The following KIAA0930 variants were observed in gnomAD, a reference collection of about 807,000 sequenced individuals.
The protein encoded by KIAA0930 is KIAA0930, also known as uncharacterized protein KIAA0930.
Under a neutral mutation model 43.9 loss-of-function variants are expected in KIAA0930, and 24 were observed. The observed-to-expected ratio is 0.55, with a 90% confidence interval of 0.40 to 0.77. The LOEUF is 0.77. Ranked by LOEUF, KIAA0930 falls within the 30% of genes least tolerant of loss-of-function variation. The pLI is 0.00. For synonymous variants in KIAA0930, 259 were observed against 216.4 expected, an observed-to-expected ratio of 1.20 and a Z score of -1.73; for missense variants, 461 against 574.2, an observed-to-expected ratio of 0.80 and a Z score of 2.02.
chr22:45,197,027 C>A lies in KIAA0930; in HGVS notation c.*149G>T. The A allele has an allele frequency of 1.6e-6, 1 of 635,680 alleles. No homozygotes were observed. The highest frequency in any genetic ancestry group is 2.6e-6 in the Non-Finnish European group (1 of 379,956). 39.4% of individuals were successfully genotyped at this position (635,680 alleles called of 1,614,324 possible). A position where few individuals can be genotyped will look rare whatever the true frequency, so the allele number is the denominator to read the frequency against. On this transcript the variant is annotated 3_prime_UTR_variant, in exon 10 of 10. Transcript: ENST00000336156. ...TTTGGGCTGGTGTTCGTGGAGTCGG[C>A]CCCGGCCCCGGGAGTCGAGTGGCCT...
chr22:45,201,013 T>A (rs761335728), intron 7 of KIAA0930: 2 of 532,954 alleles, frequency 3.8e-6, no homozygotes, highest in African/African-American at 3.9e-5. Context: ...ATCTCCTCCC[T>A]CCTCCCCATG....
At chr22:45,203,287 G>C (rs1279951224) in intron 6 of KIAA0930, 103 bp from the exon 7 acceptor site, 1 of 1,223,112 alleles carries the variant, frequency 8.2e-7, no homozygotes, top group South Asian at 1.5e-5. Context: ...CTCAAGGAGC[G>C]GGGGCTGCCC....
Position 45,192,491 on chromosome 22 carries a change from T to G in KIAA0930, c.*4685A>C, listed in dbSNP as rs1398705333. On this transcript the variant is annotated 3_prime_UTR_variant, in exon 10 of 10. Coordinates refer to ENST00000336156, the MANE Select transcript of KIAA0930 (RefSeq NM_001009880.2). Reference sequence around the variant, plus strand: ...AAAATACATGTTGTAGAAGTCATAATTCATAGTGAAGAATCTCAACAGGTT... The same window carrying G: ...AAAATACATGTTGTAGAAGTCATAAGTCATAGTGAAGAATCTCAACAGGTT... 2 of 152,236 alleles carry G rather than the reference T, an allele frequency of 1.3e-5. No individual in the cohort carries two copies. The highest frequency in any genetic ancestry group is 3.8e-4 in the East Asian group (2 of 5,200). The allele number at this position is 152,236 out of a possible 1,614,324, so 9.4% of individuals were successfully genotyped here. A position where few individuals can be genotyped will look rare whatever the true frequency, so the allele number is the denominator to read the frequency against.
chr22:45,203,731 C>T (rs915607201), intron 6 of KIAA0930, 114 bp downstream of exon 6: 16 of 1,205,782 alleles, frequency 1.3e-5, no homozygotes, highest in African/African-American at 1.5e-5. Flanking sequence ...GTACCCCTGG[C>T]GGCCGCTACC....
intron 8 of KIAA0930, 76 bp from the exon 9 acceptor site, chr22:45,198,024 C>T (rs1569070103): frequency 6.7e-7 from 1 of 1,493,396 alleles, no homozygotes; most frequent in Non-Finnish European, 9.2e-7. Flanking sequence ...AGCTCCCAGT[C>T]CAGGCTGAGG....
intron 5 of KIAA0930, among the ~76,000 whole-genome samples, chr22:45,204,200 G>A (rs2083615465): frequency 6.6e-6 from 1 of 152,232 alleles, no homozygotes; most frequent in Admixed American, 6.5e-5. Context: ...GGAGGACAGG[G>A]ACGCTTACGG....
At chr22:45,233,998 C>A (rs1251199174) in intron 1 of KIAA0930, among the ~76,000 whole-genome samples, 1 of 152,234 alleles carries the variant, frequency 6.6e-6, no homozygotes, top group Non-Finnish European at 1.5e-5. Context: ...CTTCCCCAAT[C>A]CCACAGAACC....
At chr22:45,217,812 T>G (rs1193525976) in intron 1 of KIAA0930, among the ~76,000 whole-genome samples, 1 of 152,020 alleles carries the variant, frequency 6.6e-6, no homozygotes, top group Non-Finnish European at 1.5e-5. Flanking sequence ...CCAGGAAAAC[T>G]GATATTTGCC....
Position 45,203,019 on chromosome 22 carries a change from A to G in KIAA0930, c.823T>C (p.Ser275Pro), listed in dbSNP as rs2083603394. The change falls in exon 7 of 10, where the codon TCC (serine) becomes CCC (proline). Residue 275 changes from serine (S) to proline (P), a missense_variant. By Grantham distance (74) the Ser-to-Pro change is moderately conservative. Transcript: ENST00000336156. ...TCGTGCATGGGCGAAGCTGGGCTGG[A>G]GTCCTCTTCAGTCCCACAGGGGGAT... ...DTSPCGTEEDSSPASPMHERV... is the reference protein window; with the variant it reads ...DTSPCGTEEDPSPASPMHERV... 2 of 1,612,282 alleles carry G rather than the reference A, an allele frequency of 1.2e-6. No individual in the cohort carries two copies. Among genetic ancestry groups the G allele is most frequent in the Non-Finnish European group, 1.7e-6 (2 of 1,179,286 alleles).
At chr22:45,211,539 T>A in intron 2 of KIAA0930, 2 of 431,120 alleles carry the variant, frequency 4.6e-6, no homozygotes, top group Admixed American at 4.0e-5. Context: ...GAGGGCTCAG[T>A]AAGTGGAAGG....
At chr22:45,198,009 A>T in intron 8 of KIAA0930, 61 bp from the exon 9 acceptor site, 1 of 1,562,362 alleles carries the variant, frequency 6.4e-7, no homozygotes, top group Non-Finnish European at 8.8e-7. Context: ...GAGCAGCAGG[A>T]GGCCAGCTCC....
chr22:45,233,360 C>G (rs560188571), intron 1 of KIAA0930, among the ~76,000 whole-genome samples: 3 of 152,028 alleles, frequency 2.0e-5, no homozygotes, highest in African/African-American at 7.3e-5. Context: ...GGAGTGGAGG[C>G]TGAGGTTCAA....
intron 5 of KIAA0930, 80 bp from the exon 6 acceptor site, chr22:45,204,065 A>G (rs1601811007): frequency 6.3e-7 from 1 of 1,580,332 alleles, no homozygotes; most frequent in Non-Finnish European, 8.6e-7. Context: ...ACTGGCAGGG[A>G]GGGCTGCTCA....
At chr22:45,216,465 G>C (rs969270814) in intron 1 of KIAA0930, among the ~76,000 whole-genome samples, 23 of 151,958 alleles carry the variant, frequency 1.5e-4, no homozygotes, top group African/African-American at 5.3e-4. Flanking sequence ...GAGCACGGCA[G>C]TGTGGCCTGC....
chr22:45,204,402 G>A (rs1601811272), intron 5 of KIAA0930, among the ~76,000 whole-genome samples: 2 of 152,172 alleles, frequency 1.3e-5, no homozygotes, highest in Non-Finnish European at 2.9e-5. Context: ...CCAGACTAAG[G>A]TGCCACAGGC....
chr22:45,201,204 C>T (rs920781752), intron 7 of KIAA0930, among the ~76,000 whole-genome samples: 1 of 152,244 alleles, frequency 6.6e-6, no homozygotes, highest in Non-Finnish European at 1.5e-5. Context: ...AACCACAATA[C>T]ACAGAGTCAG....
intron 1 of KIAA0930, among the ~76,000 whole-genome samples, chr22:45,214,044 G>A (rs2083716194): frequency 6.6e-6 from 1 of 152,068 alleles, no homozygotes; most frequent in South Asian, 2.1e-4. Flanking sequence ...AGGCATGGTG[G>A]CAGGCGCCTG....
In KIAA0930 at chr22:45,240,708, T is replaced by C; in HGVS notation, c.-5A>G. 5.8e-6 allele frequency: 7 copies of C among 1,208,270 alleles called. No individual in the cohort carries two copies. Among genetic ancestry groups the C allele is most frequent in the Non-Finnish European group, 6.1e-6 (6 of 982,970 alleles). 74.8% of individuals were successfully genotyped at this position (1,208,270 alleles called of 1,614,324 possible). On this transcript the variant is annotated 5_prime_UTR_variant, in exon 1 of 10. Transcript: ENST00000336156. ...CTCCGCTATGGCACGCAGCATGTGC[T>C]GCAGCGAGCGCTCCTCGGCCTCGGC...
intron 1 of KIAA0930, among the ~76,000 whole-genome samples, chr22:45,233,445 A>C (rs963551072): frequency 6.6e-6 from 1 of 152,146 alleles, no homozygotes; most frequent in Non-Finnish European, 1.5e-5. Context: ...CCCACTTCCA[A>C]GGAGTCGGTA....
Sources: allele counts gnomAD v4.1 joint callset (sites outside exome capture counted in the v4.1 genomes callset), GRCh38; gene constraint gnomAD v4.1.1; transcripts MANE v1.5; gene names NCBI Gene and HGNC (gene_info 2026-07-23, HGNC 2026-07-21).